CEP128: variants seen among roughly 807,000 people sequenced by gnomAD.
CEP128 encodes centrosomal protein 128kDa.
Under a neutral mutation model 156.7 loss-of-function variants are expected in CEP128, and 132 were observed. That is an observed-to-expected ratio of 0.84 (90% CI 0.73 to 0.97). The LOEUF (loss-of-function observed/expected upper bound fraction) is 0.97, where lower values mean the gene tolerates loss of function less well. Among genes scored for constraint, CEP128 ranks in the 50% least tolerant of loss-of-function variants. The pLI is 0.00. For missense variants in CEP128, 1,252 were observed against 1,281.9 expected (o/e 0.98, Z 0.36); for synonymous variants, 469 against 448.9 (o/e 1.04, Z -0.57).
chr14:80,478,657 G>A (rs1486353482), intron 14 of CEP128, among the ~76,000 whole-genome samples: 1 of 152,048 alleles, frequency 6.6e-6, no homozygotes, highest in East Asian at 1.9e-4. Flanking sequence ...AACCTCATAG[G>A]GTTGTTGTGA....
chr14:80,728,550 T>C (rs1244588552), intron 19 of CEP128, among the ~76,000 whole-genome samples: 1 of 152,168 alleles, frequency 6.6e-6, no homozygotes, highest in African/African-American at 2.4e-5. Flanking sequence ...TTTAAATGTT[T>C]GCTCCACAAA....
intron 23 of CEP128, among the ~76,000 whole-genome samples, chr14:80,523,145 A>G (rs1888817856): frequency 6.6e-6 from 1 of 152,216 alleles, no homozygotes. Context: ...TGGATGTTTC[A>G]GTGCCTTCTT....
At chr14:80,511,257 C>T (rs1888240772) in intron 23 of CEP128, among the ~76,000 whole-genome samples, 1 of 151,616 alleles carries the variant, frequency 6.6e-6, no homozygotes, top group Non-Finnish European at 1.5e-5. Flanking sequence ...TGCTGGGAAC[C>T]TTTTTATCAT....
chr14:80,955,953 TGTGA>T (rs1566735611), intron 2 of CEP128: 1 of 1,377,642 alleles, frequency 7.3e-7, no homozygotes, highest in African/African-American at 1.4e-5. Flanking sequence ...CGAAGTAGTG[TGTGA>T]GTGTGTGTAT....
intron 24 of CEP128, among the ~76,000 whole-genome samples, chr14:80,501,438 G>C (rs1887728670): frequency 6.6e-6 from 1 of 151,980 alleles, no homozygotes; most frequent in Admixed American, 6.6e-5. Flanking sequence ...TTATATAATG[G>C]AATAAATCTA....
chr14:80,647,441 G>T (rs1458093543), intron 19 of CEP128, among the ~76,000 whole-genome samples: 5 of 151,680 alleles, frequency 3.3e-5, no homozygotes, highest in Admixed American at 2.6e-4. Flanking sequence ...GGTTTTGAAA[G>T]CTGTGCTTTT....
At chr14:80,801,636 C>T (rs922369556) in intron 13 of CEP128, among the ~76,000 whole-genome samples, 3 of 151,976 alleles carry the variant, frequency 2.0e-5, no homozygotes, top group African/African-American at 4.8e-5. Context: ...CGGTCAGATG[C>T]GGTGGCTCAC....
chr14:80,525,855 T>G (rs1365670774), intron 23 of CEP128, among the ~76,000 whole-genome samples: 1 of 152,190 alleles, frequency 6.6e-6, no homozygotes, highest in African/African-American at 2.4e-5. Flanking sequence ...CACTGAGCAT[T>G]CTATCCAATT....
chr14:80,896,817 T>C (rs1054299401), intron 7 of CEP128, among the ~76,000 whole-genome samples: 2 of 152,314 alleles, frequency 1.3e-5, no homozygotes, highest in African/African-American at 4.8e-5. Flanking sequence ...TCACTCTTTT[T>C]GAAGACCTTC....
chr14:80,904,167 G>C (rs1883745932), intron 6 of CEP128, among the ~76,000 whole-genome samples: 1 of 152,046 alleles, frequency 6.6e-6, no homozygotes, highest in Admixed American at 6.6e-5. Context: ...CTTTAAAAAG[G>C]GAGAAATCCT....
chr14:80,627,543 T>C (rs552412380), intron 19 of CEP128, among the ~76,000 whole-genome samples: 4 of 152,166 alleles, frequency 2.6e-5, no homozygotes, highest in Admixed American at 2.6e-4. Flanking sequence ...CATGAATGAA[T>C]AATACATTAA....
intron 23 of CEP128, among the ~76,000 whole-genome samples, chr14:80,521,447 A>C (rs1380018179): frequency 6.6e-6 from 1 of 152,224 alleles, no homozygotes. Flanking sequence ...TTGATTTCTG[A>C]ATAAGCACTT....
chr14:80,719,360 C>T (rs899133142), intron 19 of CEP128, among the ~76,000 whole-genome samples: 1 of 152,228 alleles, frequency 6.6e-6, no homozygotes, highest in East Asian at 1.9e-4. Context: ...TAATAAAAGA[C>T]TGCTAACACC....
intron 19 of CEP128, among the ~76,000 whole-genome samples, chr14:80,725,803 A>C (rs1898001029): frequency 6.6e-6 from 1 of 152,246 alleles, no homozygotes; most frequent in South Asian, 2.1e-4. Context: ...TAATTAATTT[A>C]TATGGAATAA....
At chr14:80,503,294 C>T (rs955091739) in intron 24 of CEP128, among the ~76,000 whole-genome samples, 1 of 152,058 alleles carries the variant, frequency 6.6e-6, no homozygotes, top group African/African-American at 2.4e-5. Context: ...ATTTCCTTTT[C>T]AGCCAGTGTA....
intron 6 of CEP128, among the ~76,000 whole-genome samples, chr14:80,902,760 T>C (rs964532729): frequency 6.6e-6 from 1 of 152,038 alleles, no homozygotes; most frequent in African/African-American, 2.4e-5. Context: ...ACACTAATGG[T>C]AGAAAAATCA....
chr14:80,790,607 T>G (rs1401480564), intron 14 of CEP128, among the ~76,000 whole-genome samples: 1 of 152,078 alleles, frequency 6.6e-6, no homozygotes, highest in Non-Finnish European at 1.5e-5. Flanking sequence ...GATACGCGAT[T>G]TGATATTACA....
At chr14:80,846,093 G>A (rs985967884) in intron 9 of CEP128, among the ~76,000 whole-genome samples, 3 of 152,040 alleles carry the variant, frequency 2.0e-5, no homozygotes, top group Non-Finnish European at 2.9e-5. Flanking sequence ...ACAGATTCAC[G>A]CTAGCCTTAT....
intron 2 of CEP128, among the ~76,000 whole-genome samples, chr14:80,956,959 C>A (rs1213639273): frequency 1.3e-5 from 2 of 152,110 alleles, no homozygotes; most frequent in Non-Finnish European, 2.9e-5. Context: ...TTGATTACAC[C>A]TCTACATAGG....
Sources: gnomAD v4.1 joint callset for allele counts (sites outside exome capture counted in the v4.1 genomes callset) on GRCh38, gnomAD v4.1.1 for gene constraint, MANE v1.5 for transcripts, NCBI Gene and HGNC (gene_info 2026-07-23, HGNC 2026-07-21) for gene names.